PLPPR1: variants seen among roughly 807,000 people sequenced by gnomAD.
The protein encoded by PLPPR1 is phospholipid phosphatase related 1, also known as phospholipid phosphatase-related protein type 1.
A neutral mutation model predicts 33.1 loss-of-function variants in PLPPR1; 10 were observed. The observed-to-expected ratio is 0.30, with a 90% CI of 0.19 to 0.51. The LOEUF (loss-of-function observed/expected upper bound fraction) is 0.51, where lower values mean the gene tolerates loss of function less well. PLPPR1 is among the 20% of genes least tolerant of loss of function. The probability of loss-of-function intolerance (pLI) is 0.97; values close to 1 mark genes in which losing one functional copy is unlikely to be tolerated. For synonymous variants in PLPPR1, 151 were observed against 151.0 expected, an observed-to-expected ratio of 1.00 and a Z score of 0.00; for missense variants, 304 against 408.1, an observed-to-expected ratio of 0.74 and a Z score of 2.20.
At chr9:101,065,283 C>A (rs1434713820) in intron 1 of PLPPR1, among the ~76,000 whole-genome samples, 2 of 152,132 alleles carry the variant, frequency 1.3e-5, no homozygotes, top group South Asian at 4.1e-4. Context: ...TTCAGAACTT[C>A]TTATTTGAAA....
At chr9:101,276,655 T>C (rs1588107568) in intron 3 of PLPPR1, among the ~76,000 whole-genome samples, 1 of 152,354 alleles carries the variant, frequency 6.6e-6, no homozygotes, top group East Asian at 1.9e-4. Context: ...TTCCCATTTC[T>C]CTTGTATTCA....
At position 101,082,924 on chromosome 9, in the gene PLPPR1, AC is replaced by A. The variant is rs537055411; in HGVS notation, c.-46+53823del. 6.2e-4 allele frequency among the ~76,000 whole-genome samples: 94 copies of A among 152,258 alleles called. No homozygotes were observed. The South Asian group carries it at 7.5e-3, about 12-fold the overall frequency. ...ATTGCTCAGCATGTGCCAGTGAGGG[AC>A]AACTACTGTCATCACCCTGATTTTC... On this transcript the variant is annotated intron_variant, in intron 1 of 7. Coordinates refer to ENST00000374874, the MANE Select transcript of PLPPR1 (RefSeq NM_207299.2).
intron 4 of PLPPR1, among the ~76,000 whole-genome samples, chr9:101,293,973 C>T (rs1402647799): frequency 2.6e-4 from 39 of 151,926 alleles, no homozygotes; most frequent in African/African-American, 6.5e-4. Flanking sequence ...CTGAAGGAAA[C>T]AGAGACACAA....
Position 101,196,293 on chromosome 9 carries a change from G to C in PLPPR1, c.63+10736G>C, listed in dbSNP as rs113270508. On this transcript the variant is annotated intron_variant, in intron 2 of 7. Coordinates refer to ENST00000374874, the MANE Select transcript of PLPPR1 (RefSeq NM_207299.2). ...GACTTTATAGGAAGTCTGCTTTTAA[G>C]AGGATGAAATATAAAATGGCAGTCT... is the stretch of plus-strand genomic sequence containing the variant. Among the ~76,000 whole-genome samples the C allele has an allele frequency of 7.6e-3, 1,165 of 152,300 alleles. 21 individuals are homozygous for C. The highest frequency in any genetic ancestry group is 0.026 in the African/African-American group (1,100 of 41,554).
intron 1 of PLPPR1, among the ~76,000 whole-genome samples, chr9:101,041,327 A>G (rs1320760532): frequency 6.6e-6 from 1 of 152,338 alleles, no homozygotes; most frequent in Non-Finnish European, 1.5e-5. Flanking sequence ...AGATGAAATT[A>G]AGTGGTACCC....
chr9:101,190,365 A>G (rs1826276009), intron 2 of PLPPR1, among the ~76,000 whole-genome samples: 1 of 152,048 alleles, frequency 6.6e-6, no homozygotes, highest in Non-Finnish European at 1.5e-5. Flanking sequence ...GCCATTTTGG[A>G]TACTTTACAT....
intron 2 of PLPPR1, among the ~76,000 whole-genome samples, chr9:101,241,564 T>C (rs964387880): frequency 5.9e-5 from 9 of 152,048 alleles, no homozygotes; most frequent in Non-Finnish European, 1.2e-4. Context: ...TCACACCCCA[T>C]TTTGGTTAGC....
At chr9:101,257,235 C>T (rs956161813) in intron 2 of PLPPR1, among the ~76,000 whole-genome samples, 1 of 152,146 alleles carries the variant, frequency 6.6e-6, no homozygotes. Flanking sequence ...TGTCCCCACA[C>T]TCCCTCTTCT....
chr9:101,034,628 C>T (rs879879802), intron 1 of PLPPR1, among the ~76,000 whole-genome samples: 2 of 152,170 alleles, frequency 1.3e-5, no homozygotes, highest in Admixed American at 6.5e-5. Context: ...ATTACTCCTG[C>T]TTTTAAGATG....
chr9:101,226,170 G>T (rs925805573), intron 2 of PLPPR1, among the ~76,000 whole-genome samples: 2 of 152,112 alleles, frequency 1.3e-5, no homozygotes, highest in African/African-American at 4.8e-5. Flanking sequence ...TTTTCCCAAA[G>T]GTGATTTTCC....
intron 1 of PLPPR1, among the ~76,000 whole-genome samples, chr9:101,161,379 G>A (rs1831771277): frequency 2.0e-5 from 3 of 152,142 alleles, no homozygotes. Context: ...ACTGTTCACT[G>A]ATGTTAAGCC....
At chr9:101,051,275 T>TACTACTA (rs1564130773) in intron 1 of PLPPR1, among the ~76,000 whole-genome samples, 1 of 143,320 alleles carries the variant, frequency 7.0e-6, no homozygotes, top group East Asian at 2.2e-4. Context: ...TACTACTACT[T>TACTACTA]CTACTACTAC....
At chr9:101,250,214 G>T (rs914552922) in intron 2 of PLPPR1, among the ~76,000 whole-genome samples, 12 of 151,876 alleles carry the variant, frequency 7.9e-5, no homozygotes, top group Non-Finnish European at 1.5e-4. Flanking sequence ...AGAACACTGG[G>T]ACTAATTCTG....
chr9:101,057,485 T>C (rs957513371), intron 1 of PLPPR1, among the ~76,000 whole-genome samples: 2 of 152,144 alleles, frequency 1.3e-5, no homozygotes, highest in Non-Finnish European at 2.9e-5. Context: ...TTAACTGTTA[T>C]ATATTAATGG....
At chr9:101,209,928 T>C (rs532172247) in intron 2 of PLPPR1, among the ~76,000 whole-genome samples, 1 of 152,334 alleles carries the variant, frequency 6.6e-6, no homozygotes, top group South Asian at 2.1e-4. Flanking sequence ...GCAGTGACTG[T>C]TAACCCAGGT....
In PLPPR1 at chr9:101,218,205, G is replaced by T. The variant is rs548245955; in HGVS notation, c.63+32648G>T. ...TATGCTATCAATGTGGATCAAAAAT[G>T]ATCCACATTGGGAATATGAGATAGC... On this transcript the variant is annotated intron_variant, in intron 2 of 7. Transcript: ENST00000374874. 2.6e-5 allele frequency among the ~76,000 whole-genome samples: 4 copies of T among 152,198 alleles called. No homozygotes were observed. The East Asian group carries it at 7.7e-4, about 29-fold the overall frequency.
intron 1 of PLPPR1, among the ~76,000 whole-genome samples, chr9:101,175,302 T>TA (rs1428460983): frequency 1.3e-5 from 2 of 152,258 alleles, no homozygotes; most frequent in East Asian, 3.9e-4. Context: ...ATGAAAAAAT[T>TA]AAAATTTGTA....
At chr9:101,291,123 A>G (rs1828494798) in intron 4 of PLPPR1, among the ~76,000 whole-genome samples, 1 of 152,230 alleles carries the variant, frequency 6.6e-6, no homozygotes, top group African/African-American at 2.4e-5. Flanking sequence ...AAAACAGCGC[A>G]CCAGGAGATT....
intron 1 of PLPPR1, among the ~76,000 whole-genome samples, chr9:101,110,069 A>G (rs1329703674): frequency 6.6e-6 from 1 of 151,908 alleles, no homozygotes; most frequent in Non-Finnish European, 1.5e-5. Flanking sequence ...TTAAATTATC[A>G]TCTTCAAAAG....
Sources: allele counts gnomAD v4.1 joint callset (sites outside exome capture counted in the v4.1 genomes callset), GRCh38; gene constraint gnomAD v4.1.1; transcripts MANE v1.5; gene names NCBI Gene and HGNC (gene_info 2026-07-23, HGNC 2026-07-21).